TMC1: variants seen among roughly 807,000 people sequenced by gnomAD.
TMC1 encodes the protein transmembrane channel-like protein 1.
TMC1 carries 84 observed loss-of-function variants against 105.8 expected under a neutral mutation model. The ratio of observed to expected loss-of-function variants is 0.79; its 90% CI spans 0.67 to 0.95. The LOEUF is 0.95. Ranked by LOEUF, TMC1 falls within the 40% of genes least tolerant of loss-of-function variation. TMC1 has a pLI of 0.00. For missense variants in TMC1, 817 were observed against 914.1 expected, an observed-to-expected ratio of 0.89 and a Z score of 1.37; for synonymous variants, 315 against 311.5, an observed-to-expected ratio of 1.01 and a Z score of -0.12.
intron 18 of TMC1, among the ~76,000 whole-genome samples, chr9:72,813,378 G>A (rs1828735044): frequency 6.6e-6 from 1 of 152,092 alleles, no homozygotes. Flanking sequence ...GTTTTAAAGT[G>A]AGAGCTTCTG....
At chr9:72,770,217 A>C (rs1827902731) in intron 12 of TMC1, among the ~76,000 whole-genome samples, 1 of 151,684 alleles carries the variant, frequency 6.6e-6, no homozygotes, top group South Asian at 2.1e-4. Flanking sequence ...GTTGGATGGC[A>C]TCCTAGTCAG....
intron 12 of TMC1, among the ~76,000 whole-genome samples, chr9:72,769,957 T>C (rs367988891): frequency 7.9e-5 from 12 of 152,118 alleles, no homozygotes; most frequent in African/African-American, 2.9e-4. Flanking sequence ...AGCATGAAGG[T>C]TTAAGACATG....
At chr9:72,671,928 C>G (rs1321177096) in intron 5 of TMC1, among the ~76,000 whole-genome samples, 1 of 151,988 alleles carries the variant, frequency 6.6e-6, no homozygotes, top group Admixed American at 6.6e-5. Context: ...TGCTTGGATC[C>G]CTCACACATC....
intron 1 of TMC1, among the ~76,000 whole-genome samples, chr9:72,560,773 C>A (rs1006363628): frequency 2.6e-5 from 4 of 151,872 alleles, no homozygotes; most frequent in African/African-American, 9.7e-5. Flanking sequence ...CATGAGCCAC[C>A]GCGCCCGGCC....
At chr9:72,726,331 T>C (rs772761458) in intron 8 of TMC1, among the ~76,000 whole-genome samples, 4 of 152,228 alleles carry the variant, frequency 2.6e-5, no homozygotes, top group Non-Finnish European at 4.4e-5. Flanking sequence ...CACTCATATC[T>C]ACATAATGAT....
Position 72,836,068 on chromosome 9 carries a change from G to T in TMC1, c.*95G>T. ...CCCAGAGAACAAGCACTGTGGAACT[G>T]CTATTTTCCTGTTCTACCCTTGATG... is the stretch of plus-strand genomic sequence containing the variant. On this transcript the variant is annotated 3_prime_UTR_variant, in exon 24 of 24. Coordinates refer to ENST00000297784, the MANE Select transcript of TMC1 (RefSeq NM_138691.3). 1.4e-6 allele frequency: 2 copies of T among 1,407,894 alleles called. No individual in the cohort carries two copies. Among genetic ancestry groups the T allele is most frequent in the Non-Finnish European group, 2.0e-6 (2 of 1,000,816 alleles). 87.2% of individuals were successfully genotyped at this position (1,407,894 alleles called of 1,614,324 possible).
intron 2 of TMC1, among the ~76,000 whole-genome samples, chr9:72,587,496 C>T (rs545909926): frequency 6.6e-6 from 1 of 152,258 alleles, no homozygotes; most frequent in East Asian, 1.9e-4. Context: ...TTTAACCCAA[C>T]AAATAATTAT....
intron 1 of TMC1, among the ~76,000 whole-genome samples, chr9:72,547,993 G>C (rs544897417): frequency 6.6e-6 from 1 of 152,324 alleles, no homozygotes; most frequent in East Asian, 1.9e-4. Flanking sequence ...GCAGAGAACA[G>C]ACCATCTCTT....
At chr9:72,562,709 G>C (rs139051208) in intron 1 of TMC1, among the ~76,000 whole-genome samples, 112 of 129,072 alleles carry the variant, frequency 8.7e-4, no homozygotes, top group African/African-American at 3.8e-3. Flanking sequence ...ATTTAGAAAG[G>C]AGTTTCCAAG....
At chr9:72,755,059 GGAGGGAGGGAGGGAGAGA>G (rs1289958048) in intron 12 of TMC1, among the ~76,000 whole-genome samples, 175 bp downstream of exon 12, 1 of 110,456 alleles carries the variant, frequency 9.1e-6, no homozygotes, top group Non-Finnish European at 1.8e-5. Flanking sequence ...AGAGAGGGAG[GGAGGGAGGGAGGGAGAGA>G]GAGAGAGAGA....
intron 1 of TMC1, among the ~76,000 whole-genome samples, chr9:72,570,676 C>CG (rs1824262682): frequency 1.3e-5 from 1 of 75,614 alleles, no homozygotes; most frequent in Non-Finnish European, 2.3e-5. Context: ...GCCAAATTTC[C>CG]TTTTTTTTTT....
At chr9:72,595,287 T>G (rs1217019338) in intron 2 of TMC1, among the ~76,000 whole-genome samples, 1 of 152,206 alleles carries the variant, frequency 6.6e-6, no homozygotes, top group Non-Finnish European at 1.5e-5. Flanking sequence ...AGAACTTCTG[T>G]GTATGGCTAC....
chr9:72,781,155 C>A (rs1378045348), intron 13 of TMC1, among the ~76,000 whole-genome samples: 1 of 152,026 alleles, frequency 6.6e-6, no homozygotes, highest in African/African-American at 2.4e-5. Context: ...GAAATCAATA[C>A]CAAGAGGATC....
rs114586257 is a variant in TMC1 at position 72,825,235 on chromosome 9, G to A, written c.2004-1634G>A. ...TGCATTAAGCATTGATTCTGGTCCT[G>A]TGGCACTTATCACCCAGCTGGGAAG... On this transcript the variant is annotated intron_variant, in intron 20 of 23. Transcript: ENST00000297784. Among the ~76,000 whole-genome samples, 394 of 152,314 alleles carry A rather than the reference G, an allele frequency of 2.6e-3. 4 individuals carry two copies. The highest frequency in any genetic ancestry group is 8.9e-3 in the African/African-American group (368 of 41,560).
intron 21 of TMC1, among the ~76,000 whole-genome samples, chr9:72,828,923 A>G (rs1828999973): frequency 1.3e-5 from 2 of 152,234 alleles, no homozygotes; most frequent in Non-Finnish European, 2.9e-5. Flanking sequence ...TACTAATAAT[A>G]ACCGTTTAAA....
chr9:72,688,040 TAAG>T (rs1280010637), intron 5 of TMC1, among the ~76,000 whole-genome samples: 2 of 152,112 alleles, frequency 1.3e-5, no homozygotes, highest in African/African-American at 2.4e-5. Flanking sequence ...GAAGCAAAGC[TAAG>T]AAGAAGATGC....
chr9:72,815,635 T>C (rs1828774496), intron 18 of TMC1, among the ~76,000 whole-genome samples: 1 of 152,216 alleles, frequency 6.6e-6, no homozygotes, highest in Non-Finnish European at 1.5e-5. Context: ...TGTACATAAA[T>C]ATTCTTTCAA....
chr9:72,659,059 A>G (rs1215806911), intron 5 of TMC1, among the ~76,000 whole-genome samples: 5 of 152,214 alleles, frequency 3.3e-5, no homozygotes, highest in African/African-American at 1.2e-4. Flanking sequence ...GTGGAGAGGA[A>G]ATATAAATCA....
chr9:72,636,933 C>T (rs933048570), intron 4 of TMC1, among the ~76,000 whole-genome samples: 14 of 152,018 alleles, frequency 9.2e-5, no homozygotes, highest in Non-Finnish European at 1.9e-4. Flanking sequence ...AGATTGCAAA[C>T]GTTCTCCAAT....
Sources: gnomAD v4.1 joint callset for allele counts (sites outside exome capture counted in the v4.1 genomes callset) on GRCh38, gnomAD v4.1.1 for gene constraint, MANE v1.5 for transcripts, NCBI Gene and HGNC (gene_info 2026-07-23, HGNC 2026-07-21) for gene names.